The following METTL21A variants were observed in gnomAD, a reference collection of about 807,000 sequenced individuals.
METTL21A encodes the protein protein N-lysine methyltransferase METTL21A.
METTL21A carries 22 observed loss-of-function variants against 20.9 expected under a neutral mutation model. The observed-to-expected ratio is 1.05, with a 90% confidence interval of 0.75 to 1.50. The LOEUF is 1.50. Among genes scored for constraint, METTL21A ranks in the 40% most tolerant of loss-of-function variants. METTL21A has a pLI of 0.00. For synonymous variants in METTL21A, 93 were observed against 102.0 expected (o/e 0.91, Z 0.53); for missense variants, 271 against 266.8 (o/e 1.02, Z -0.11).
intron 3 of METTL21A, among the ~76,000 whole-genome samples, chr2:207,585,416 C>T (rs951142878): frequency 2.0e-5 from 3 of 152,176 alleles, no homozygotes; most frequent in African/African-American, 7.2e-5. Flanking sequence ...GCTAACACTA[C>T]AGCTACATCT....
At chr2:207,598,796 C>G (rs143910207) in intron 3 of METTL21A, 69 of 169,384 alleles carry the variant, frequency 4.1e-4, no homozygotes, top group African/African-American at 1.6e-3. Context: ...TGCAGTGAGC[C>G]GAGATAGCAC....
chr2:207,618,973 G>C (rs2090140394), intron 3 of METTL21A, among the ~76,000 whole-genome samples: 1 of 152,090 alleles, frequency 6.6e-6, no homozygotes, highest in African/African-American at 2.4e-5. Flanking sequence ...CCTCAGGCAA[G>C]TTACTTACCC....
At chr2:207,591,364 G>A (rs760783818) in intron 3 of METTL21A, among the ~76,000 whole-genome samples, 1 of 152,066 alleles carries the variant, frequency 6.6e-6, no homozygotes, top group Non-Finnish European at 1.5e-5. Flanking sequence ...CTTTATCCCT[G>A]ACAATATTCC....
downstream of METTL21A, among the ~76,000 whole-genome samples, chr2:207,605,526 TAAAA>T (rs374747042): frequency 2.0e-5 from 3 of 152,026 alleles, no homozygotes; most frequent in Admixed American, 6.5e-5. Context: ...TGTACACTTC[TAAAA>T]AAAAGAAACA....
chr2:207,618,759 T>A (rs1199908491), intron 3 of METTL21A, among the ~76,000 whole-genome samples: 5 of 150,282 alleles, frequency 3.3e-5, no homozygotes, highest in Non-Finnish European at 7.5e-5. Context: ...TCTCTCTCTC[T>A]AAAAAATATC....
At chr2:207,624,182 G>A in intron 2 of METTL21A, 47 bp downstream of exon 2, 2 of 1,531,378 alleles carry the variant, frequency 1.3e-6, no homozygotes, top group Non-Finnish European at 1.8e-6. Context: ...ATAAAAGCCA[G>A]TCTTGCAAGT....
downstream of METTL21A, among the ~76,000 whole-genome samples, chr2:207,607,102 T>C (rs2088224350): frequency 1.3e-5 from 2 of 152,154 alleles, no homozygotes; most frequent in South Asian, 4.1e-4. Context: ...AAATACAGAA[T>C]ATAAGGTCGG....
intron 3 of METTL21A, among the ~76,000 whole-genome samples, chr2:207,590,312 CCTCT>C (rs140908499): frequency 6.6e-6 from 1 of 151,344 alleles, no homozygotes; most frequent in African/African-American, 2.4e-5. Context: ...TTTTGTCTTT[CCTCT>C]CTCTCTGTAT....
chr2:207,583,705 T>C (rs2083334655), intron 3 of METTL21A, among the ~76,000 whole-genome samples: 1 of 152,174 alleles, frequency 6.6e-6, no homozygotes, highest in Non-Finnish European at 1.5e-5. Flanking sequence ...GTTCACTCTT[T>C]GTGCTGTATA....
chr2:207,604,180 C>CT (rs2087641516), downstream of METTL21A, among the ~76,000 whole-genome samples: 1 of 152,220 alleles, frequency 6.6e-6, no homozygotes, highest in South Asian at 2.1e-4. Context: ...GATTGCCCAT[C>CT]TTGTCATTTG....
chr2:207,600,154 A>G (rs2086785331), intron 3 of METTL21A: 1 of 179,550 alleles, frequency 5.6e-6, no homozygotes, highest in Non-Finnish European at 1.2e-5. Flanking sequence ...CTCAAGTACC[A>G]TATTGGCAAC....
At chr2:207,624,286 C>A (rs2090854676) in exon 2 of METTL21A, 2 of 1,613,750 alleles carry the variant, frequency 1.2e-6, no homozygotes, top group Non-Finnish European at 1.7e-6. Context: ...GGATCTGGAT[C>A]GTGTGGTTTG....
At chr2:207,595,054 G>C (rs989356295) in intron 3 of METTL21A, among the ~76,000 whole-genome samples, 32 of 147,158 alleles carry the variant, frequency 2.2e-4, no homozygotes, top group African/African-American at 7.6e-4. Flanking sequence ...AGAGTGCCGT[G>C]GTGCAATCTC....
intron 3 of METTL21A, among the ~76,000 whole-genome samples, chr2:207,592,183 G>A (rs927044793): frequency 2.3e-4 from 35 of 152,038 alleles, no homozygotes; most frequent in Non-Finnish European, 3.1e-4. Context: ...TGAGGTAGGC[G>A]GATCACAAGG....
At chr2:207,597,289 A>G (rs1216544364) in intron 3 of METTL21A, 11 of 433,842 alleles carry the variant, frequency 2.5e-5, no homozygotes, top group Non-Finnish European at 4.0e-5. Context: ...GGAATCATGA[A>G]GAGACTTCTG....
chr2:207,623,172 GGGATTACAGGT>G (rs2090702666), intron 2 of METTL21A, among the ~76,000 whole-genome samples: 1 of 152,088 alleles, frequency 6.6e-6, no homozygotes, highest in African/African-American at 2.4e-5. Context: ...CCAAACTGCT[GGGATTACAGGT>G]GTGAGCCACC....
At chr2:207,618,937 C>A (rs981195862) in intron 3 of METTL21A, among the ~76,000 whole-genome samples, 1 of 152,062 alleles carries the variant, frequency 6.6e-6, no homozygotes, top group Non-Finnish European at 1.5e-5. Flanking sequence ...GATTCAAATT[C>A]TAAGCACAAT....
At chr2:207,624,457 G>A (rs2090884200) in intron 1 of METTL21A, 53 bp from the exon 2 acceptor site, 1 of 1,420,362 alleles carries the variant, frequency 7.0e-7, no homozygotes, top group Non-Finnish European at 9.3e-7. Context: ...TACATTATCT[G>A]TTCTTAACTA....
chr2:207,607,394 A>AAAAGAAAG (rs148420908), downstream of METTL21A, among the ~76,000 whole-genome samples: 11 of 151,524 alleles, frequency 7.3e-5, no homozygotes, highest in South Asian at 2.1e-4. Flanking sequence ...CATCTCAAAA[A>AAAAGAAAG]AAAGAAAGAA....
Sources: allele counts gnomAD v4.1 joint callset (sites outside exome capture counted in the v4.1 genomes callset), GRCh38; gene constraint gnomAD v4.1.1; transcripts MANE v1.5; gene names NCBI Gene and HGNC (gene_info 2026-07-23, HGNC 2026-07-21).